PDXDC1: variants seen among roughly 807,000 people sequenced by gnomAD.
PDXDC1 encodes the protein pyridoxal-dependent decarboxylase domain-containing protein 1.
Under a neutral mutation model 100.1 loss-of-function variants are expected in PDXDC1, and 42 were observed. The observed-to-expected ratio is 0.42, with a 90% CI of 0.33 to 0.54. The LOEUF is 0.54. Among genes scored for constraint, PDXDC1 ranks in the 20% least tolerant of loss-of-function variants. PDXDC1 has a pLI of 0.10. For synonymous variants in PDXDC1, 260 were observed against 371.7 expected (o/e 0.70, Z 3.46); for missense variants, 636 against 979.2 (o/e 0.65, Z 4.68).
At chr16:15,143,498 T>A (rs2048506732), downstream of PDXDC1, among the ~76,000 whole-genome samples, 1 of 152,156 alleles carries the variant, frequency 6.6e-6, no homozygotes, top group Admixed American at 6.5e-5. Context: ...TCGGGCCCCC[T>A]CGCCCTGGAG....
chr16:15,083,818 G>C, intron 16 of PDXDC1: 1 of 408,278 alleles, frequency 2.4e-6, no homozygotes. Flanking sequence ...CCAGGTTCAA[G>C]CGATTCTCCT....
chr16:15,008,678 TAG>T lies in PDXDC1; in HGVS notation c.580-99_580-98del, dbSNP rs2041002989. 1.3e-5 allele frequency: 14 copies of T among 1,106,886 alleles called. No homozygotes were observed. In the South Asian group the frequency reaches 2.0e-4, roughly 16 times the overall value. 68.6% of individuals were successfully genotyped at this position (1,106,886 alleles called of 1,614,324 possible). Reference sequence around the variant, plus strand: ...AGAGTTCCTAAGGAGAGAGATTTCTTAGAAGAATAATCGTGTCTTGTCTTAGA... The same window carrying T: ...AGAGTTCCTAAGGAGAGAGATTTCTTAAGAATAATCGTGTCTTGTCTTAGA... On this transcript the variant is annotated intron_variant, in intron 6 of 22. Transcript: ENST00000396410.
chr16:15,128,807 A>ATTTT (rs965267518), intron 16 of PDXDC1, among the ~76,000 whole-genome samples: 2 of 140,896 alleles, frequency 1.4e-5, no homozygotes, highest in Non-Finnish European at 3.1e-5. Context: ...AGGTGACAGT[A>ATTTT]TTTTTTTTTT....
intron 16 of PDXDC1, among the ~76,000 whole-genome samples, chr16:15,110,237 G>A (rs1364988197): frequency 2.7e-5 from 4 of 148,294 alleles, no homozygotes; most frequent in Admixed American, 2.7e-4. Context: ...AAACAAGAAT[G>A]TAGGAAGGGA....
At chr16:14,975,432 G>A in intron 1 of PDXDC1, 1 of 985,252 alleles carries the variant, frequency 1.0e-6, no homozygotes, top group Non-Finnish European at 1.2e-6. Flanking sequence ...GGCCGAAGAG[G>A]CTGGGCGGGG....
chr16:15,093,202 G>GC (rs1297933260), intron 16 of PDXDC1, among the ~76,000 whole-genome samples: 1 of 152,028 alleles, frequency 6.6e-6, no homozygotes, highest in Non-Finnish European at 1.5e-5. Context: ...ACGAGGTTTC[G>GC]CACGTTGGCC....
chr16:15,144,531 G>C, the PDXDC1 span, among the ~76,000 whole-genome samples: 7 of 152,176 alleles, frequency 4.6e-5, no homozygotes, highest in South Asian at 2.1e-4. Flanking sequence ...GAGGCTGCCA[G>C]GCCCCAGGCA....
the PDXDC1 span, among the ~76,000 whole-genome samples, chr16:15,150,209 T>G: frequency 6.6e-6 from 1 of 151,802 alleles, no homozygotes; most frequent in Non-Finnish European, 1.5e-5. Context: ...CTGGGCATGG[T>G]GGCGGGCACC....
the PDXDC1 span, among the ~76,000 whole-genome samples, chr16:15,145,489 GCCCTTT>G: frequency 6.6e-6 from 1 of 152,266 alleles, no homozygotes; most frequent in Non-Finnish European, 1.5e-5. Context: ...TGGGCACAAA[GCCCTTT>G]CCGAGGTGGC....
At chr16:15,062,039 T>G in intron 16 of PDXDC1, 1 of 910,212 alleles carries the variant, frequency 1.1e-6, no homozygotes, top group Non-Finnish European at 1.6e-6. Context: ...AGAAAGCCAG[T>G]GTAGTGGCAC....
At chr16:15,089,891 C>T (rs1244034442) in intron 16 of PDXDC1, among the ~76,000 whole-genome samples, 1 of 146,808 alleles carries the variant, frequency 6.8e-6, no homozygotes, top group African/African-American at 2.5e-5. Context: ...TCGGCTGATA[C>T]AAGGAATACA....
At chr16:15,108,321 G>C (rs1251824390) in intron 16 of PDXDC1, 3 of 889,076 alleles carry the variant, frequency 3.4e-6, no homozygotes, top group Non-Finnish European at 4.0e-6. Context: ...AGAACGCTAG[G>C]AAACAGGGAC....
chr16:15,065,699 C>CA (rs1389162534), intron 16 of PDXDC1, among the ~76,000 whole-genome samples: 1 of 151,920 alleles, frequency 6.6e-6, no homozygotes, highest in African/African-American at 2.4e-5. Flanking sequence ...GTTTGCAAGG[C>CA]AAAACTCTTA....
At chr16:15,002,933 C>T (rs1466855743) in intron 4 of PDXDC1, among the ~76,000 whole-genome samples, 1 of 152,192 alleles carries the variant, frequency 6.6e-6, no homozygotes, top group African/African-American at 2.4e-5. Flanking sequence ...AGTGACGTGT[C>T]TTTTTGTATG....
intron 3 of PDXDC1, among the ~76,000 whole-genome samples, chr16:14,999,186 C>T (rs1597392372): frequency 1.3e-5 from 2 of 152,398 alleles, no homozygotes. Flanking sequence ...CCTGCCTCAG[C>T]CTCCCGAGTG....
At chr16:15,086,227 A>G (rs1216575636) in intron 16 of PDXDC1, 3 of 1,582,542 alleles carry the variant, frequency 1.9e-6, no homozygotes, top group Non-Finnish European at 2.6e-6. Context: ...CTCTTCCACT[A>G]CTGTTTGACT....
intron 1 of PDXDC1, among the ~76,000 whole-genome samples, chr16:14,983,528 A>G (rs1968495555): frequency 1.4e-5 from 2 of 140,382 alleles, no homozygotes; most frequent in African/African-American, 5.2e-5. Context: ...AGCCGAGATC[A>G]TGCCACTGTA....
chr16:15,100,464 C>G (rs2151846088), intron 16 of PDXDC1, among the ~76,000 whole-genome samples: 1 of 152,260 alleles, frequency 6.6e-6, no homozygotes, highest in East Asian at 1.9e-4. Flanking sequence ...AAAGCAGTTT[C>G]TTAGATTTGG....
At chr16:15,151,942 A>C in the PDXDC1 span, among the ~76,000 whole-genome samples, 2 of 141,642 alleles carry the variant, frequency 1.4e-5, no homozygotes, top group Admixed American at 7.1e-5. Flanking sequence ...AAAAAAAAAA[A>C]AAAAAAAAAA....
Sources: gnomAD v4.1 joint callset for allele counts (sites outside exome capture counted in the v4.1 genomes callset) on GRCh38, gnomAD v4.1.1 for gene constraint, MANE v1.5 for transcripts, NCBI Gene and HGNC (gene_info 2026-07-23, HGNC 2026-07-21) for gene names.